DDHD1: variants seen among roughly 807,000 people sequenced by gnomAD.
DDHD1 encodes the protein DDHD domain containing 1.
A neutral mutation model predicts 96.4 loss-of-function variants in DDHD1; 49 were observed. The observed-to-expected ratio is 0.51, with a 90% confidence interval of 0.40 to 0.64. The LOEUF is 0.64. Among genes scored for constraint, DDHD1 ranks in the 30% least tolerant of loss-of-function variants. The pLI, the probability that DDHD1 is intolerant of heterozygous loss-of-function variation, is 0.00. For synonymous variants in DDHD1, 442 were observed against 446.5 expected, an observed-to-expected ratio of 0.99 and a Z score of 0.13; for missense variants, 1,106 against 1,161.2, an observed-to-expected ratio of 0.95 and a Z score of 0.69.
At chr14:53,077,392 C>T (rs1885063655) in intron 4 of DDHD1, among the ~76,000 whole-genome samples, 1 of 152,110 alleles carries the variant, frequency 6.6e-6, no homozygotes, top group Admixed American at 6.6e-5. Context: ...TTTAGCTGCA[C>T]TGGGGTATAA....
chr14:53,138,088 A>C (rs1052334806), intron 1 of DDHD1, among the ~76,000 whole-genome samples: 14 of 152,370 alleles, frequency 9.2e-5, no homozygotes, highest in African/African-American at 3.4e-4. Context: ...AATAGAGTTT[A>C]AAGAAATTGT....
intron 1 of DDHD1, among the ~76,000 whole-genome samples, chr14:53,111,810 T>C (rs2139757891): frequency 6.6e-6 from 1 of 152,354 alleles, no homozygotes; most frequent in East Asian, 1.9e-4. Context: ...TACAACCTCA[T>C]TAAAATTAGT....
intron 4 of DDHD1, among the ~76,000 whole-genome samples, chr14:53,084,802 A>G (rs7141869): frequency 0.87 from 132,992 of 152,018 alleles, 58,252 homozygotes; most frequent in East Asian, 0.98. Flanking sequence ...CATGGAGGGC[A>G]AGCCGAAGCA....
intron 1 of DDHD1, among the ~76,000 whole-genome samples, chr14:53,145,756 C>G (rs1890939857): frequency 6.6e-6 from 1 of 152,162 alleles, no homozygotes; most frequent in Non-Finnish European, 1.5e-5. Flanking sequence ...CAAGGATTTT[C>G]CAGTATCTGA....
chr14:53,152,785 T>G lies in DDHD1; in HGVS notation c.314A>C (p.Glu105Ala). The change falls in exon 1 of 13, where the codon GAG becomes GCG. Residue 105 changes from glutamate (E) to alanine (A), a missense_variant. By Grantham distance (107) the Glu-to-Ala change is moderately radical. Around this residue, in one of 2 missense-constraint regions of DDHD1, gnomAD observed 456 missense variants for 402.4 expected, o/e 1.13. Coordinates refer to ENST00000673822, the MANE Select transcript of DDHD1 (RefSeq NM_001160148.2). Reference sequence around the variant, plus strand: ...GCTGCCGCCGCCGCCGCTCTCACCCTCGCTGTAGTAGCGCAGCGAGGAGCC... The same window carrying G: ...GCTGCCGCCGCCGCCGCTCTCACCCGCGCTGTAGTAGCGCAGCGAGGAGCC... ...ESGSSLRYYS[E>A]GESGGGGSSL... 7 of 1,605,948 alleles carry G rather than the reference T, an allele frequency of 4.4e-6. No homozygotes were observed. Among genetic ancestry groups the G allele is most frequent in the Non-Finnish European group, 5.9e-6 (7 of 1,177,584 alleles).
intron 4 of DDHD1, among the ~76,000 whole-genome samples, chr14:53,089,795 G>T (rs1441352468): frequency 6.6e-6 from 1 of 152,140 alleles, no homozygotes; most frequent in Non-Finnish European, 1.5e-5. Context: ...CATGGGCAAA[G>T]ACTTCATGTC....
In DDHD1 at chr14:53,091,771, A is replaced by G; in HGVS notation, c.1289+14T>C. The G allele has an allele frequency of 6.2e-7, 1 of 1,611,848 alleles. No homozygotes were observed. On this transcript the variant is annotated intron_variant, in intron 4 of 12. Coordinates refer to ENST00000673822, the MANE Select transcript of DDHD1 (RefSeq NM_001160148.2). ...TCTAGATTAGATATACAATGCATTC[A>G]TCAAAGAACTTACATAGCTGTATTT...
chr14:53,109,728 C>G (rs1887967857), intron 1 of DDHD1, among the ~76,000 whole-genome samples: 1 of 152,126 alleles, frequency 6.6e-6, no homozygotes, highest in Non-Finnish European at 1.5e-5. Context: ...AAAAGGCTAT[C>G]ATTCTCCCAA....
At chr14:53,094,585 G>A (rs1240142841) in intron 2 of DDHD1, among the ~76,000 whole-genome samples, 2 of 149,422 alleles carry the variant, frequency 1.3e-5, no homozygotes, top group Non-Finnish European at 3.0e-5. Flanking sequence ...TGTGCCTGTG[G>A]TTCCAGCTAC....
chr14:53,058,577 A>G lies in DDHD1; in HGVS notation c.1892T>C (p.Leu631Ser). 6.2e-7 allele frequency: 1 copy of G among 1,613,744 alleles called. No homozygotes were observed. Residue 631 changes from leucine to serine, a missense_variant, in exon 9 of 13, where the codon TTG becomes TCG. This residue lies in a region of DDHD1 where 650 missense variants were observed against 758.8 expected (regional missense o/e 0.86). Transcript: ENST00000673822. Reference protein sequence around the residue: ...MGSPLAVFLALRGIRPGNTGS... With the variant: ...MGSPLAVFLASRGIRPGNTGS... ...AGTATTTCCTGGGCGGATGCCACGC[A>G]ACGCCAAGAAAACTGCTAATGGGGA...
intron 4 of DDHD1, among the ~76,000 whole-genome samples, chr14:53,080,411 G>A (rs184305332): frequency 2.6e-5 from 4 of 152,086 alleles, no homozygotes; most frequent in Admixed American, 2.6e-4. Context: ...TTCCTTTTCT[G>A]GGAACTACTT....
intron 6 of DDHD1, among the ~76,000 whole-genome samples, chr14:53,071,016 T>C (rs774402216): frequency 3.9e-5 from 6 of 152,156 alleles, no homozygotes; most frequent in Admixed American, 1.3e-4. Flanking sequence ...ATTCAGAAAC[T>C]AAAATGATTT....
chr14:53,061,630 T>C (rs1265322985), intron 7 of DDHD1, among the ~76,000 whole-genome samples: 1 of 152,184 alleles, frequency 6.6e-6, no homozygotes, highest in African/African-American at 2.4e-5. Context: ...AGGTGAACCA[T>C]ATAGTCTAAC....
In DDHD1 at chr14:53,153,010, G is replaced by C; in HGVS notation, c.89C>G (p.Ala30Gly). Residue 30 changes from alanine to glycine, a missense_variant, in exon 1 of 13, where the codon GCG becomes GGG. By Grantham distance (60) the Ala-to-Gly change is moderately conservative. This residue lies in a region of DDHD1 where 456 missense variants were observed against 402.4 expected (regional missense o/e 1.13). Coordinates refer to ENST00000673822, the MANE Select transcript of DDHD1 (RefSeq NM_001160148.2). ...GGGAWELGSD[A>G]RPAFGGGVCC... ...GACGCCGCCGCCGAACGCTGGCCTC[G>C]CGTCTGAGCCCAGCTCCCAGGCGCC... 2 of 1,533,730 alleles carry C rather than the reference G, an allele frequency of 1.3e-6. No homozygotes were observed. The highest frequency in any genetic ancestry group is 1.7e-6 in the Non-Finnish European group (2 of 1,143,244).
chr14:53,070,478 C>G (rs1884423613), intron 6 of DDHD1, among the ~76,000 whole-genome samples: 1 of 152,092 alleles, frequency 6.6e-6, no homozygotes, highest in Non-Finnish European at 1.5e-5. Context: ...CCTATTGATA[C>G]TATTTTGGGT....
chr14:53,096,163 A>G (rs1415462403), intron 2 of DDHD1: 4 of 985,138 alleles, frequency 4.1e-6, no homozygotes, highest in Admixed American at 6.2e-5. Context: ...TACTCTCCTT[A>G]TATCTTCTCC....
intron 12 of DDHD1, among the ~76,000 whole-genome samples, chr14:53,047,230 G>A (rs1191605842): frequency 6.6e-6 from 1 of 152,066 alleles, no homozygotes; most frequent in African/African-American, 2.4e-5. Flanking sequence ...AATATTTTCA[G>A]AGTTAAAAAA....
chr14:53,061,729 A>T (rs1883574312), intron 7 of DDHD1, among the ~76,000 whole-genome samples: 1 of 152,096 alleles, frequency 6.6e-6, no homozygotes, highest in African/African-American at 2.4e-5. Flanking sequence ...TATTATCATT[A>T]TTATTTTTTA....
At chr14:53,136,993 C>A (rs1170299760) in intron 1 of DDHD1, among the ~76,000 whole-genome samples, 2 of 152,008 alleles carry the variant, frequency 1.3e-5, no homozygotes. Flanking sequence ...GGAAAACTGG[C>A]AGAAAAAGAT....
Sources: gnomAD v4.1 joint callset for allele counts (sites outside exome capture counted in the v4.1 genomes callset) on GRCh38, gnomAD v4.1.1 for gene constraint, gnomAD v4.1.1 regional missense constraint, MANE v1.5 for transcripts, NCBI Gene and HGNC (gene_info 2026-07-23, HGNC 2026-07-21) for gene names.